Variants in DOP1B observed in about 807,000 individuals in gnomAD.
DOP1B encodes the protein protein DOP1B.
Under a neutral mutation model 233.5 loss-of-function variants are expected in DOP1B, and 174 were observed. The observed-to-expected ratio is 0.75, with a 90% CI of 0.66 to 0.85. The LOEUF (loss-of-function observed/expected upper bound fraction) is 0.85. Ranked by LOEUF, DOP1B falls within the 40% of genes least tolerant of loss-of-function variation. The probability of loss-of-function intolerance (pLI) is 0.00; values close to 1 mark genes in which losing one functional copy is unlikely to be tolerated. For synonymous variants in DOP1B, 1,190 were observed against 1,185.6 expected (o/e 1.00, Z -0.08); for missense variants, 2,652 against 2,846.6 (o/e 0.93, Z 1.56).
intron 2 of DOP1B, among the ~76,000 whole-genome samples, chr21:36,175,362 C>T (rs1181942064): frequency 5.3e-5 from 8 of 151,598 alleles, no homozygotes; most frequent in Non-Finnish European, 1.0e-4. Flanking sequence ...CCGCCCGCCT[C>T]GGCCTCCCAA....
chr21:36,170,586 ACT>A (rs1307712362), intron 2 of DOP1B: 2 of 148,628 alleles, frequency 1.3e-5, no homozygotes, highest in Non-Finnish European at 3.0e-5. Context: ...ACAGAGTGAG[ACT>A]CTGTCTAAAT....
chr21:36,247,113 C>T (rs879383630), intron 19 of DOP1B, among the ~76,000 whole-genome samples: 18 of 152,176 alleles, frequency 1.2e-4, no homozygotes, highest in Non-Finnish European at 1.6e-4. Flanking sequence ...CTCCTGAGCT[C>T]AGGCAATCCC....
chr21:36,210,059 C>T (rs2066477003), intron 5 of DOP1B, among the ~76,000 whole-genome samples: 2 of 152,100 alleles, frequency 1.3e-5, no homozygotes, highest in African/African-American at 2.4e-5. Flanking sequence ...GTCAGTATCC[C>T]CTTTGTCTCT....
intron 30 of DOP1B, among the ~76,000 whole-genome samples, chr21:36,279,811 C>T (rs552739783): frequency 2.6e-5 from 4 of 152,200 alleles, no homozygotes; most frequent in African/African-American, 4.8e-5. Context: ...AAAGCTTTTT[C>T]GTAGCTTTCT....
intron 13 of DOP1B, 22 bp downstream of exon 13, chr21:36,227,899 A>G: frequency 6.4e-7 from 1 of 1,552,778 alleles, no homozygotes; most frequent in Admixed American, 1.9e-5. Flanking sequence ...GAGGGGCAGA[A>G]ATGGTTCTGG....
chr21:36,230,761 T>C lies in DOP1B; in HGVS notation c.1977T>C (p.Pro659=), dbSNP rs745717064. 1.5e-5 allele frequency: 24 copies of C among 1,614,022 alleles called. No homozygotes were observed. The highest frequency in any genetic ancestry group is 1.9e-5 in the Non-Finnish European group (23 of 1,180,028). The change falls in exon 14 of 37, where the codon CCT becomes CCC. Residue 659 remains proline, a synonymous_variant. Coordinates refer to ENST00000691173, the MANE Select transcript of DOP1B (RefSeq NM_001320714.2). Reference sequence around the variant, plus strand: ...GAGAAGAAAGCAAGTCCGAGGAGCCTGCAGGGAAGAGGGACAGGGATGGGA... The same window carrying C: ...GAGAAGAAAGCAAGTCCGAGGAGCCCGCAGGGAAGAGGGACAGGGATGGGA... ...ASGEESKSEE[P]AGKRDRDGTQ...
intron 22 of DOP1B, among the ~76,000 whole-genome samples, chr21:36,252,604 C>T (rs904490138): frequency 1.3e-5 from 2 of 150,884 alleles, no homozygotes; most frequent in South Asian, 2.1e-4. Flanking sequence ...ACCTCTGCCT[C>T]CTGAGTTTAA....
At position 36,250,375 on chromosome 21, in the gene DOP1B, G is replaced by A. The variant is rs572332633; in HGVS notation, c.4999-787G>A. On this transcript the variant is annotated intron_variant, in intron 21 of 36. Transcript: ENST00000691173. ...AGAGAGATGAAGTCCCTGCCCCTGTGGCAGAGGCAGACATTAACTGGCAGT... is the reference window on the plus strand; with the variant it reads ...AGAGAGATGAAGTCCCTGCCCCTGTAGCAGAGGCAGACATTAACTGGCAGT... 3.9e-5 allele frequency among the ~76,000 whole-genome samples: 6 copies of A among 152,310 alleles called. No homozygotes were observed. The South Asian group carries it at 1.2e-3, about 32-fold the overall frequency.
chr21:36,178,692 A>C (rs2066060226), intron 2 of DOP1B, among the ~76,000 whole-genome samples: 1 of 152,226 alleles, frequency 6.6e-6, no homozygotes, highest in South Asian at 2.1e-4. Context: ...TTTTCAGAAA[A>C]AAAGCAACTG....
At chr21:36,239,725 G>A in intron 17 of DOP1B, 40 bp from the exon 18 acceptor site, 1 of 1,494,426 alleles carries the variant, frequency 6.7e-7, no homozygotes, top group Non-Finnish European at 9.0e-7. Flanking sequence ...GCGCACAGGG[G>A]TGGCTGCGAG....
chr21:36,224,273 C>T (rs2066657289), intron 11 of DOP1B, among the ~76,000 whole-genome samples: 1 of 151,916 alleles, frequency 6.6e-6, no homozygotes, highest in Admixed American at 6.6e-5. Context: ...TCCTGGCCTC[C>T]TAAATAGCTG....
At chr21:36,237,031 C>A (rs1050910236) in intron 15 of DOP1B, among the ~76,000 whole-genome samples, 4 of 152,126 alleles carry the variant, frequency 2.6e-5, no homozygotes, top group Non-Finnish European at 5.9e-5. Flanking sequence ...GTGATCTGCC[C>A]CACTTCGACC....
rs777976096 is a variant in DOP1B at position 36,232,898 on chromosome 21, C to G, written c.2445C>G (p.Ser815=). ...TDCYLQNVAI[S]TLLEVINHSQ... The stretch of plus-strand genomic sequence containing the variant: ...GCTACCTCCAGAACGTGGCCATTTC[C>G]ACTCTGCTGGAAGTGATAAACCATT... The change falls in exon 15 of 37, where the codon TCC becomes TCG. Residue 815 remains serine (S), a synonymous_variant. Coordinates refer to ENST00000691173, the MANE Select transcript of DOP1B (RefSeq NM_001320714.2). The G allele has an allele frequency of 6.2e-7, 1 of 1,614,056 alleles. No homozygotes were observed. Among genetic ancestry groups the G allele is most frequent in the African/African-American group, 1.3e-5 (1 of 75,004 alleles).
chr21:36,265,204 T>A (rs1349715198), intron 26 of DOP1B, among the ~76,000 whole-genome samples: 1 of 152,188 alleles, frequency 6.6e-6, no homozygotes, highest in Non-Finnish European at 1.5e-5. Flanking sequence ...AAGACCAGCC[T>A]GGCCAACATG....
At chr21:36,171,248 T>C (rs1481674138) in intron 2 of DOP1B, among the ~76,000 whole-genome samples, 1 of 152,182 alleles carries the variant, frequency 6.6e-6, no homozygotes, top group Non-Finnish European at 1.5e-5. Flanking sequence ...GCTGTGCTTC[T>C]TTGCTGCCAG....
At chr21:36,289,424 GGTGTGTGTGTGTGT>G (rs59907412) in intron 35 of DOP1B, among the ~76,000 whole-genome samples, 7,136 of 144,912 alleles carry the variant, frequency 0.049, 449 homozygotes, top group African/African-American at 0.15. Context: ...GTGTTTCTAT[GGTGTGTGTGTGTGT>G]GTGTGTGTGT....
At chr21:36,166,291 G>A (rs973995417) in intron 2 of DOP1B, among the ~76,000 whole-genome samples, 1 of 151,824 alleles carries the variant, frequency 6.6e-6, no homozygotes, top group Non-Finnish European at 1.5e-5. Flanking sequence ...AAAAAAATTA[G>A]CCGGGCGTGG....
At chr21:36,163,392 A>G (rs1218538232) in intron 1 of DOP1B, among the ~76,000 whole-genome samples, 1 of 151,714 alleles carries the variant, frequency 6.6e-6, no homozygotes, top group Non-Finnish European at 1.5e-5. Flanking sequence ...CCTGGTGAAG[A>G]TTGGATTGGG....
At chr21:36,200,616 G>A in intron 4 of DOP1B, 115 bp downstream of exon 4, 1 of 1,288,796 alleles carries the variant, frequency 7.8e-7, no homozygotes, top group East Asian at 2.7e-5. Context: ...GGCCAAGGTG[G>A]GTGGATCACA....
Sources: gnomAD v4.1 joint callset for allele counts (sites outside exome capture counted in the v4.1 genomes callset) on GRCh38, gnomAD v4.1.1 for gene constraint, MANE v1.5 for transcripts, NCBI Gene and HGNC (gene_info 2026-07-23, HGNC 2026-07-21) for gene names.